NPFFR2: variants seen among roughly 807,000 people sequenced by gnomAD.
The protein encoded by NPFFR2 is G-protein coupled receptor 74.
NPFFR2 carries 15 observed loss-of-function variants against 13.1 expected under a neutral mutation model. That is an observed-to-expected ratio of 1.15 (90% CI 0.77 to 1.76). The LOEUF (loss-of-function observed/expected upper bound fraction) is 1.76, where lower values mean the gene tolerates loss of function less well. NPFFR2 is among the 40% of genes most tolerant of loss of function. The probability of loss-of-function intolerance (pLI) is 0.00; values close to 1 mark genes in which losing one functional copy is unlikely to be tolerated. For synonymous variants in NPFFR2, 190 were observed against 175.7 expected, an observed-to-expected ratio of 1.08 and a Z score of -0.65; for missense variants, 572 against 503.5, an observed-to-expected ratio of 1.14 and a Z score of -1.30.
chr4:72,118,471 G>T (rs960157703), intron 1 of NPFFR2, among the ~76,000 whole-genome samples: 1 of 152,022 alleles, frequency 6.6e-6, no homozygotes, highest in African/African-American at 2.4e-5. Flanking sequence ...TCAAAGTCAC[G>T]CAGGTATTAA....
intron 1 of NPFFR2, among the ~76,000 whole-genome samples, chr4:72,120,582 C>A (rs926690293): frequency 6.6e-6 from 1 of 152,246 alleles, no homozygotes; most frequent in African/African-American, 2.4e-5. Flanking sequence ...CTTTGCTGTT[C>A]TGCAGCCTCT....
At chr4:72,138,881 G>A in intron 3 of NPFFR2, among the ~76,000 whole-genome samples, 1 of 152,174 alleles carries the variant, frequency 6.6e-6, no homozygotes. Context: ...CCTACCAACA[G>A]TGTAAAAGTG....
At chr4:72,106,726 GA>G (rs1357612433) in intron 1 of NPFFR2, among the ~76,000 whole-genome samples, 1 of 151,992 alleles carries the variant, frequency 6.6e-6, no homozygotes. Flanking sequence ...TCAGGAAAGA[GA>G]AAAGAAGCCA....
intron 1 of NPFFR2, among the ~76,000 whole-genome samples, chr4:72,098,136 T>C (rs1163548951): frequency 6.6e-6 from 1 of 152,180 alleles, no homozygotes; most frequent in Non-Finnish European, 1.5e-5. Context: ...GTGCATTGAA[T>C]AGATGGATAT....
chr4:72,102,226 G>A (rs1319243455), intron 1 of NPFFR2, among the ~76,000 whole-genome samples: 1 of 151,942 alleles, frequency 6.6e-6, no homozygotes, highest in Non-Finnish European at 1.5e-5. Context: ...GGGTCCTGTT[G>A]GTGGAAAAAC....
At chr4:72,079,429 C>CTTA (rs1720538712) in intron 1 of NPFFR2, among the ~76,000 whole-genome samples, 1 of 151,910 alleles carries the variant, frequency 6.6e-6, no homozygotes, top group Non-Finnish European at 1.5e-5. Flanking sequence ...AACATATGAC[C>CTTA]AGTTAGTCAA....
chr4:72,139,655 C>G (rs1722534244), intron 3 of NPFFR2, among the ~76,000 whole-genome samples: 1 of 151,642 alleles, frequency 6.6e-6, no homozygotes, highest in African/African-American at 2.4e-5. Context: ...GTTTTGGTTA[C>G]TGTAGCCTTG....
chr4:72,032,630 A>G (rs1246821476), intron 1 of NPFFR2, among the ~76,000 whole-genome samples: 1 of 152,128 alleles, frequency 6.6e-6, no homozygotes. Context: ...GTGCATTTCC[A>G]CTTGCTAGAA....
intron 1 of NPFFR2, among the ~76,000 whole-genome samples, chr4:72,065,354 T>A (rs745622495): frequency 6.6e-6 from 1 of 152,030 alleles, no homozygotes; most frequent in Non-Finnish European, 1.5e-5. Flanking sequence ...AATATGTAAA[T>A]AATCTTAATT....
chr4:72,143,704 T>C (rs1413794899), intron 3 of NPFFR2, among the ~76,000 whole-genome samples: 1 of 152,190 alleles, frequency 6.6e-6, no homozygotes, highest in Non-Finnish European at 1.5e-5. Context: ...CCAGATCTCT[T>C]AAACTTTCAG....
chr4:72,090,302 G>C (rs903123644), intron 1 of NPFFR2, among the ~76,000 whole-genome samples: 6 of 151,970 alleles, frequency 3.9e-5, no homozygotes, highest in South Asian at 2.1e-4. Flanking sequence ...CTTTGGCTAT[G>C]CAGGGTCTTT....
intron 2 of NPFFR2, 75 bp downstream of exon 2, chr4:72,128,994 GTTCA>G: frequency 8.9e-7 from 1 of 1,129,492 alleles, no homozygotes; most frequent in Admixed American, 2.1e-5. Context: ...TGGCAGGGCT[GTTCA>G]TTCATTCATT....
chr4:72,092,682 A>G (rs1161957815), intron 1 of NPFFR2, among the ~76,000 whole-genome samples: 1 of 144,518 alleles, frequency 6.9e-6, no homozygotes, highest in Non-Finnish European at 1.6e-5. Context: ...GTGTTCATTT[A>G]CATGGAATAT....
intron 1 of NPFFR2, among the ~76,000 whole-genome samples, chr4:72,127,068 T>A (rs373057452): frequency 6.6e-6 from 1 of 151,762 alleles, no homozygotes; most frequent in Non-Finnish European, 1.5e-5. Flanking sequence ...TTTGGGAGGC[T>A]GAGGCAGGCA....
At chr4:72,082,558 A>G (rs779915069) in intron 1 of NPFFR2, among the ~76,000 whole-genome samples, 4 of 152,098 alleles carry the variant, frequency 2.6e-5, no homozygotes, top group African/African-American at 4.8e-5. Context: ...GTTTATATTT[A>G]TGGTGTACAT....
intron 1 of NPFFR2, among the ~76,000 whole-genome samples, chr4:72,033,588 A>G (rs771735840): frequency 3.9e-5 from 6 of 152,204 alleles, no homozygotes; most frequent in Admixed American, 2.0e-4. Flanking sequence ...CTTCATGTCT[A>G]TAGAAAACTT....
At chr4:72,114,871 G>T (rs976194330) in intron 1 of NPFFR2, among the ~76,000 whole-genome samples, 1 of 152,050 alleles carries the variant, frequency 6.6e-6, no homozygotes, top group Admixed American at 6.6e-5. Flanking sequence ...TTTAAATCTT[G>T]ACCTTGCTAC....
At chr4:72,064,850 A>G (rs768394295) in intron 1 of NPFFR2, among the ~76,000 whole-genome samples, 40 of 152,320 alleles carry the variant, frequency 2.6e-4, no homozygotes, top group Middle Eastern at 3.4e-3. Flanking sequence ...AATGCTAACA[A>G]TGATCACCTG....
intron 1 of NPFFR2, among the ~76,000 whole-genome samples, chr4:72,038,464 T>A (rs190683227): frequency 2.0e-5 from 3 of 152,204 alleles, no homozygotes; most frequent in Non-Finnish European, 4.4e-5. Flanking sequence ...CCTATTAGAT[T>A]ATCCTGCATC....
Sources: gnomAD v4.1 joint callset for allele counts (sites outside exome capture counted in the v4.1 genomes callset) on GRCh38, gnomAD v4.1.1 for gene constraint, MANE v1.5 for transcripts, NCBI Gene and HGNC (gene_info 2026-07-23, HGNC 2026-07-21) for gene names.